LAMA2: variants seen among roughly 807,000 people sequenced by gnomAD.
LAMA2 encodes the protein laminin subunit alpha-2.
Under a neutral mutation model 364.8 loss-of-function variants are expected in LAMA2, and 269 were observed. The observed-to-expected ratio is 0.74, with a 90% CI of 0.67 to 0.82. The LOEUF (loss-of-function observed/expected upper bound fraction) is 0.82. Among genes scored for constraint, LAMA2 ranks in the 40% least tolerant of loss-of-function variants. LAMA2 has a pLI of 0.00. For missense variants in LAMA2, 3,807 were observed against 3,873.2 expected (o/e 0.98, Z 0.45); for synonymous variants, 1,379 against 1,370.6 (o/e 1.01, Z -0.14).
chr6:129,081,800 TA>T (rs1774074248), intron 3 of LAMA2, among the ~76,000 whole-genome samples: 1 of 152,310 alleles, frequency 6.6e-6, no homozygotes, highest in East Asian at 1.9e-4. Context: ...TTATGAGCAT[TA>T]AATGAATTCA....
chr6:129,205,503 C>T (rs1408765112), intron 12 of LAMA2, among the ~76,000 whole-genome samples: 2,945 of 92,042 alleles, frequency 0.032, 52 homozygotes, highest in African/African-American at 0.05. Flanking sequence ...TACACACACA[C>T]ACACACACAC....
intron 51 of LAMA2, among the ~76,000 whole-genome samples, chr6:129,466,870 C>G (rs755754646): frequency 1.3e-5 from 2 of 151,792 alleles, no homozygotes; most frequent in African/African-American, 2.4e-5. Context: ...TCCTGAAAGC[C>G]ATAGGGATAC....
At chr6:129,513,235 T>G (rs527513779) in intron 63 of LAMA2, among the ~76,000 whole-genome samples, 6 of 152,198 alleles carry the variant, frequency 3.9e-5, no homozygotes, top group African/African-American at 1.4e-4. Context: ...TAGTTTTTTC[T>G]TGCTTTCTTC....
chr6:129,228,316 T>G (rs974830186), intron 12 of LAMA2, among the ~76,000 whole-genome samples: 1 of 152,096 alleles, frequency 6.6e-6, no homozygotes. Context: ...GGCTGACACT[T>G]GATGGGCTGC....
At chr6:129,172,358 G>C (rs1240673653) in intron 9 of LAMA2, among the ~76,000 whole-genome samples, 1 of 152,144 alleles carries the variant, frequency 6.6e-6, no homozygotes, top group Non-Finnish European at 1.5e-5. Context: ...TTTTTCGTGT[G>C]GATGTCCTTT....
intron 1 of LAMA2, among the ~76,000 whole-genome samples, chr6:128,967,658 T>C (rs891945539): frequency 1.3e-5 from 2 of 152,168 alleles, no homozygotes; most frequent in African/African-American, 4.8e-5. Context: ...TAGGTTTGCA[T>C]GGGTTCCTAG....
chr6:129,391,652 G>T lies in LAMA2; in HGVS notation c.5233G>T (p.Val1745Leu). Residue 1745 changes from valine (V) to leucine (L), a missense_variant and splice_region_variant, in exon 36 of 65, where the codon GTA becomes TTA. Around this residue, in one of 3 missense-constraint regions of LAMA2, gnomAD observed 3,333 missense variants for 3,345.7 expected, o/e 1.00. Coordinates refer to ENST00000421865, the MANE Select transcript of LAMA2 (RefSeq NM_000426.4). ...AAAGGAAATTGCTGAAGATGAGTTG[G>T]TGTGAGTAGATGAGTTATTATTTTT... ...TQKEIAEDEL[V>L]AAEALLKKVK... is the part of the protein sequence containing the mutation. 6.2e-7 allele frequency: 1 copy of T among 1,612,320 alleles called. No homozygotes were observed. Among genetic ancestry groups the T allele is most frequent in the Non-Finnish European group, 8.5e-7 (1 of 1,178,426 alleles).
chr6:129,403,787 G>A (rs750897142), intron 39 of LAMA2, 34 bp from the exon 40 acceptor site: 7 of 1,598,338 alleles, frequency 4.4e-6, no homozygotes, highest in Admixed American at 1.7e-5. Flanking sequence ...ACCATTGAGT[G>A]CCCTGACATT....
At chr6:129,377,833 C>CA (rs1211099958) in intron 34 of LAMA2, among the ~76,000 whole-genome samples, 1 of 152,046 alleles carries the variant, frequency 6.6e-6, no homozygotes, top group African/African-American at 2.4e-5. Flanking sequence ...TTAAGAGGCA[C>CA]AGTAGAACTG....
intron 20 of LAMA2, among the ~76,000 whole-genome samples, chr6:129,293,923 T>C (rs376415737): frequency 6.6e-6 from 1 of 152,242 alleles, no homozygotes; most frequent in Non-Finnish European, 1.5e-5. Context: ...CATTACTTCC[T>C]AGCTATAAAT....
chr6:129,513,382 T>A (rs1018703006), intron 63 of LAMA2, among the ~76,000 whole-genome samples: 1 of 152,180 alleles, frequency 6.6e-6, no homozygotes, highest in Non-Finnish European at 1.5e-5. Flanking sequence ...ATACTTTTAC[T>A]ACATCTTTTT....
intron 28 of LAMA2, among the ~76,000 whole-genome samples, chr6:129,326,516 C>A (rs1384137663): frequency 6.6e-6 from 1 of 151,592 alleles, no homozygotes; most frequent in Admixed American, 6.6e-5. Flanking sequence ...TTATTTTAAA[C>A]TTTTGTTTGA....
rs373092590 is a variant in LAMA2 at position 129,514,456 on chromosome 6, A to G, written c.9072A>G (p.Gln3024=). Residue 3024 remains glutamine, a synonymous_variant, in exon 64 of 65, where the codon CAA becomes CAG. Transcript: ENST00000421865. ...AGVPGHLCDG[Q]WHKVTANKIK... ...TTCCAGGGCATTTGTGTGATGGACAATGGCATAAAGTCACTGCCAACAAGA... is the reference window on the plus strand; with the variant it reads ...TTCCAGGGCATTTGTGTGATGGACAGTGGCATAAAGTCACTGCCAACAAGA... The G allele has an allele frequency of 1.7e-5, 28 of 1,613,834 alleles. No homozygotes were observed. The highest frequency in any genetic ancestry group is 6.7e-5 in the African/African-American group (5 of 74,904).
At chr6:129,319,269 C>T (rs944247351) in intron 27 of LAMA2, among the ~76,000 whole-genome samples, 28 of 151,880 alleles carry the variant, frequency 1.8e-4, no homozygotes, top group African/African-American at 2.4e-4. Flanking sequence ...AGTGCCTGTA[C>T]GAAATAATTG....
At chr6:129,229,812 C>A (rs1238398349) in intron 12 of LAMA2, among the ~76,000 whole-genome samples, 1 of 152,080 alleles carries the variant, frequency 6.6e-6, no homozygotes, top group Non-Finnish European at 1.5e-5. Context: ...ACCTGAGCAA[C>A]TAAAAGACTT....
At chr6:129,253,464 G>A (rs1379601688) in intron 14 of LAMA2, among the ~76,000 whole-genome samples, 1 of 152,200 alleles carries the variant, frequency 6.6e-6, no homozygotes, top group Non-Finnish European at 1.5e-5. Flanking sequence ...CCAAAGGAGA[G>A]AACTGCAGAA....
At chr6:129,424,517 T>G (rs532619046) in intron 40 of LAMA2, among the ~76,000 whole-genome samples, 1 of 151,572 alleles carries the variant, frequency 6.6e-6, no homozygotes, top group East Asian at 1.9e-4. Flanking sequence ...TTCATATGTA[T>G]CATTCAAAAC....
intron 12 of LAMA2, among the ~76,000 whole-genome samples, chr6:129,199,219 A>C (rs1052728461): frequency 6.6e-6 from 1 of 152,222 alleles, no homozygotes; most frequent in Non-Finnish European, 1.5e-5. Flanking sequence ...CAGTTTAAGT[A>C]ATTGACCATA....
intron 12 of LAMA2, among the ~76,000 whole-genome samples, 199 bp downstream of exon 12, chr6:129,193,052 A>G (rs989049878): frequency 6.6e-6 from 1 of 152,206 alleles, no homozygotes; most frequent in Non-Finnish European, 1.5e-5. Context: ...CTTAATATGC[A>G]ACTTTGTATA....
Sources: gnomAD v4.1 joint callset for allele counts (sites outside exome capture counted in the v4.1 genomes callset) on GRCh38, gnomAD v4.1.1 for gene constraint, gnomAD v4.1.1 regional missense constraint, MANE v1.5 for transcripts, NCBI Gene and HGNC (gene_info 2026-07-23, HGNC 2026-07-21) for gene names.